Variants in TNPO1 observed in about 807,000 individuals in gnomAD.
TNPO1 encodes transportin-1.
TNPO1 carries 8 observed loss-of-function variants against 119.5 expected under a neutral mutation model. The ratio of observed to expected loss-of-function variants is 0.07; its 90% CI spans 0.04 to 0.12. The LOEUF (loss-of-function observed/expected upper bound fraction) is 0.12, where lower values mean the gene tolerates loss of function less well. Among genes scored for constraint, TNPO1 ranks in the 10% least tolerant of loss-of-function variants. The probability of loss-of-function intolerance (pLI) is 1.00; values close to 1 mark genes in which losing one functional copy is unlikely to be tolerated. For synonymous variants in TNPO1, 362 were observed against 363.0 expected (o/e 1.00, Z 0.03); for missense variants, 576 against 1,089.8 (o/e 0.53, Z 6.64).
intron 7 of TNPO1, among the ~76,000 whole-genome samples, chr5:72,875,056 T>A (rs1414372200): frequency 6.6e-6 from 1 of 152,210 alleles, no homozygotes; most frequent in East Asian, 1.9e-4. Flanking sequence ...TAAAATTGAA[T>A]AATAACGTCT....
intron 14 of TNPO1, 132 bp downstream of exon 14, chr5:72,890,089 G>C: frequency 1.0e-6 from 1 of 990,550 alleles, no homozygotes; most frequent in African/African-American, 1.7e-5. Context: ...TAAGAGTATA[G>C]ATCTTACAAA....
intron 4 of TNPO1, among the ~76,000 whole-genome samples, chr5:72,857,900 A>G (rs1016161961): frequency 6.6e-6 from 1 of 152,204 alleles, no homozygotes; most frequent in Non-Finnish European, 1.5e-5. Context: ...TTAGGAGCTG[A>G]CTTTATCTTT....
chr5:72,857,137 A>G (rs1001454079), intron 4 of TNPO1, among the ~76,000 whole-genome samples: 1 of 152,064 alleles, frequency 6.6e-6, no homozygotes, highest in Non-Finnish European at 1.5e-5. Flanking sequence ...CTGACATGGT[A>G]AAACCCTGTC....
chr5:72,861,547 G>T (rs964549136), intron 4 of TNPO1, among the ~76,000 whole-genome samples: 1 of 152,036 alleles, frequency 6.6e-6, no homozygotes, highest in African/African-American at 2.4e-5. Flanking sequence ...GATCACAGGC[G>T]CATACCATCA....
chr5:72,829,676 T>G (rs1198763466), intron 1 of TNPO1, among the ~76,000 whole-genome samples: 1 of 152,226 alleles, frequency 6.6e-6, no homozygotes, highest in Non-Finnish European at 1.5e-5. Flanking sequence ...AGGAACATGG[T>G]CTTTAGTTAC....
chr5:72,851,307 T>C lies in TNPO1; in HGVS notation c.193T>C (p.Leu65=). Residue 65 remains leucine, a synonymous_variant, in exon 3 of 25, where the codon TTA becomes CTA. Transcript: ENST00000337273. ...CTACTTGATTTTTGTTCTTACAAAA[T>C]TAAAATCTGAAGGTAAGTAGGATTT... ...NNYLIFVLTK[L]KSEDEPTRSL... 2 of 1,580,192 alleles carry C rather than the reference T, an allele frequency of 1.3e-6. No homozygotes were observed. The highest frequency in any genetic ancestry group is 1.7e-6 in the Non-Finnish European group (2 of 1,151,450).
intron 3 of TNPO1, among the ~76,000 whole-genome samples, chr5:72,853,188 C>T (rs1000088832): frequency 4.6e-5 from 7 of 152,138 alleles, no homozygotes; most frequent in African/African-American, 1.4e-4. Flanking sequence ...AGGTGGCTCA[C>T]GCCTGTAATC....
chr5:72,857,703 G>A (rs528297588), intron 4 of TNPO1, among the ~76,000 whole-genome samples: 14 of 152,298 alleles, frequency 9.2e-5, no homozygotes, highest in African/African-American at 2.9e-4. Context: ...ATATAGAAAC[G>A]AGTTATGAGA....
chr5:72,848,103 A>T, intron 1 of TNPO1: 1 of 1,119,852 alleles, frequency 8.9e-7, no homozygotes, highest in Non-Finnish European at 1.1e-6. Context: ...TCTTGGGGCC[A>T]GATTGCAAAT....
chr5:72,875,205 C>T (rs548309747), intron 7 of TNPO1, among the ~76,000 whole-genome samples: 1 of 152,132 alleles, frequency 6.6e-6, no homozygotes, highest in Non-Finnish European at 1.5e-5. Flanking sequence ...TCAGTGTATA[C>T]TAATATTTGT....
At chr5:72,884,676 C>G (rs1001506904) in intron 11 of TNPO1, among the ~76,000 whole-genome samples, 17 of 152,120 alleles carry the variant, frequency 1.1e-4, no homozygotes, top group African/African-American at 4.1e-4. Context: ...TGCTTGTTTG[C>G]TGGATTTTAA....
chr5:72,824,587 G>A (rs559646323), intron 1 of TNPO1, among the ~76,000 whole-genome samples: 3 of 152,318 alleles, frequency 2.0e-5, no homozygotes, highest in South Asian at 4.1e-4. Flanking sequence ...CTTCGAGGAC[G>A]TCACACGTTC....
intron 23 of TNPO1, 52 bp from the exon 24 acceptor site, chr5:72,905,249 TGA>T: frequency 1.5e-6 from 2 of 1,306,736 alleles, no homozygotes; most frequent in Non-Finnish European, 2.2e-6. Context: ...GAAGCTATGC[TGA>T]TCTGAATTTT....
chr5:72,841,472 C>A (rs1299769260), intron 1 of TNPO1, among the ~76,000 whole-genome samples: 1 of 151,600 alleles, frequency 6.6e-6, no homozygotes, highest in African/African-American at 2.4e-5. Context: ...ATGCCTCAGC[C>A]TCCTAAGTAG....
At position 72,910,314 on chromosome 5, in the gene TNPO1, G is replaced by C. The variant is rs1239683286; in HGVS notation, c.*1641G>C. 2 of 152,554 alleles carry C rather than the reference G, an allele frequency of 1.3e-5. No homozygotes were observed. Among genetic ancestry groups the C allele is most frequent in the Admixed American group, 6.6e-5 (1 of 15,264 alleles). The allele number at this position is 152,554 out of a possible 1,614,324, so 9.5% of individuals were successfully genotyped here. A position where few individuals can be genotyped will look rare whatever the true frequency, so the allele number is the denominator to read the frequency against. The stretch of plus-strand genomic sequence containing the variant: ...CATGTATTCCTGTGAATAAATCCTT[G>C]TTAAGTTAACCCTTTACTTTTCCTT... On this transcript the variant is annotated 3_prime_UTR_variant, in exon 25 of 25. Transcript: ENST00000337273.
At chr5:72,866,707 T>C (rs1746933911) in intron 6 of TNPO1, among the ~76,000 whole-genome samples, 3 of 152,082 alleles carry the variant, frequency 2.0e-5, no homozygotes, top group African/African-American at 7.2e-5. Context: ...TGGACTGAGA[T>C]TGTACCACTG....
chr5:72,863,010 G>GTGTGTGTC, intron 5 of TNPO1, among the ~76,000 whole-genome samples: 1 of 151,906 alleles, frequency 6.6e-6, no homozygotes, highest in Admixed American at 6.6e-5. Flanking sequence ...GTGTGTGTGT[G>GTGTGTGTC]TGTGTGTGTG....
chr5:72,906,274 T>C (rs4704047), intron 24 of TNPO1, among the ~76,000 whole-genome samples: 2 of 47,692 alleles, frequency 4.2e-5, no homozygotes, highest in African/African-American at 6.0e-5. Flanking sequence ...CTTTTTTTTT[T>C]CTTTTTTTTT....
intron 3 of TNPO1, 42 bp downstream of exon 3, chr5:72,851,361 A>AG: frequency 1.7e-6 from 2 of 1,167,186 alleles, no homozygotes; most frequent in Non-Finnish European, 2.5e-6. Context: ...AGTTTCTTTA[A>AG]GACCTGTTTA....
Sources: allele counts gnomAD v4.1 joint callset (sites outside exome capture counted in the v4.1 genomes callset), GRCh38; gene constraint gnomAD v4.1.1; transcripts MANE v1.5; gene names NCBI Gene and HGNC (gene_info 2026-07-23, HGNC 2026-07-21).